Variants in AGBL4 observed in about 807,000 individuals in gnomAD.
The protein encoded by AGBL4 is cytosolic carboxypeptidase 6.
Under a neutral mutation model 66.4 loss-of-function variants are expected in AGBL4, and 58 were observed. The observed-to-expected ratio is 0.87, with a 90% confidence interval of 0.71 to 1.09. The LOEUF (loss-of-function observed/expected upper bound fraction) is 1.09. Ranked by LOEUF, AGBL4 falls within the 50% of genes least tolerant of loss-of-function variation. The pLI, the probability that AGBL4 is intolerant of heterozygous loss-of-function variation, is 0.00. For missense variants in AGBL4, 579 were observed against 631.0 expected (o/e 0.92, Z 0.88); for synonymous variants, 234 against 222.9 (o/e 1.05, Z -0.44).
At chr1:48,838,795 A>G (rs1002708730) in intron 6 of AGBL4, among the ~76,000 whole-genome samples, 6 of 152,176 alleles carry the variant, frequency 3.9e-5, no homozygotes, top group Non-Finnish European at 5.9e-5. Flanking sequence ...TCAATTTACA[A>G]AGGATTAATA....
At chr1:49,113,611 C>G (rs537713702) in intron 4 of AGBL4, among the ~76,000 whole-genome samples, 1 of 152,210 alleles carries the variant, frequency 6.6e-6, no homozygotes, top group South Asian at 2.1e-4. Flanking sequence ...TTTCAGTTTA[C>G]TTTACCTAGA....
At chr1:48,558,971 C>T (rs1010816500) in intron 11 of AGBL4, among the ~76,000 whole-genome samples, 1 of 152,252 alleles carries the variant, frequency 6.6e-6, no homozygotes, top group African/African-American at 2.4e-5. Context: ...TTACACACAA[C>T]CAATTTTCCA....
chr1:49,263,212 G>A (rs1653392034), intron 3 of AGBL4, among the ~76,000 whole-genome samples: 8 of 150,418 alleles, frequency 5.3e-5, no homozygotes, highest in South Asian at 4.3e-4. Context: ...GCTAAATGAC[G>A]AGTTAATGGG....
At chr1:49,706,871 T>C (rs1412652522) in intron 2 of AGBL4, among the ~76,000 whole-genome samples, 1 of 152,200 alleles carries the variant, frequency 6.6e-6, no homozygotes, top group Non-Finnish European at 1.5e-5. Context: ...AGTATCTTAA[T>C]CTTGAACTCT....
chr1:49,108,906 C>A lies in AGBL4; in HGVS notation c.378-63106G>T, dbSNP rs1162925579. ...ACTAAACTGCAGACAGGAGAACGCCCTCAGTTCTGCCATGAACTCACTGTG... is the reference window on the plus strand; with the variant it reads ...ACTAAACTGCAGACAGGAGAACGCCATCAGTTCTGCCATGAACTCACTGTG... On this transcript the variant is annotated intron_variant, in intron 4 of 13. Coordinates refer to ENST00000371839, the MANE Select transcript of AGBL4 (RefSeq NM_032785.4). Among the ~76,000 whole-genome samples the A allele has an allele frequency of 3.9e-5, 6 of 152,228 alleles. No individual in the cohort carries two copies. In the South Asian group the frequency reaches 8.3e-4, roughly 21 times the overall value.
At chr1:49,380,744 A>T (rs980786471) in intron 3 of AGBL4, among the ~76,000 whole-genome samples, 1 of 152,240 alleles carries the variant, frequency 6.6e-6, no homozygotes, top group Non-Finnish European at 1.5e-5. Flanking sequence ...AGCAATGGGG[A>T]AAGGATTCCC....
intron 6 of AGBL4, among the ~76,000 whole-genome samples, chr1:48,738,037 T>A (rs1316463612): frequency 6.6e-6 from 1 of 152,186 alleles, no homozygotes; most frequent in Non-Finnish European, 1.5e-5. Context: ...ACCCAACTAA[T>A]GGCAGACCAG....
chr1:49,391,064 G>T (rs914671217), intron 3 of AGBL4, among the ~76,000 whole-genome samples: 6 of 152,078 alleles, frequency 3.9e-5, no homozygotes, highest in African/African-American at 1.4e-4. Context: ...AAGGAAGAAG[G>T]GACGGCATTC....
At chr1:48,825,161 G>T (rs1162560728) in intron 6 of AGBL4, among the ~76,000 whole-genome samples, 1 of 152,148 alleles carries the variant, frequency 6.6e-6, no homozygotes, top group African/African-American at 2.4e-5. Context: ...AATAATTTCA[G>T]CTTCGAACAC....
intron 4 of AGBL4, among the ~76,000 whole-genome samples, chr1:49,129,390 G>A (rs1645836916): frequency 6.6e-6 from 1 of 151,614 alleles, no homozygotes; most frequent in South Asian, 2.1e-4. Flanking sequence ...GTATACATGT[G>A]CCATGCTGGT....
At chr1:49,394,480 G>A (rs1644913505) in intron 3 of AGBL4, among the ~76,000 whole-genome samples, 1 of 151,796 alleles carries the variant, frequency 6.6e-6, no homozygotes, top group Non-Finnish European at 1.5e-5. Flanking sequence ...AGAAACACAG[G>A]GTCAGACTGC....
At chr1:49,470,734 T>G (rs1646725259) in intron 3 of AGBL4, among the ~76,000 whole-genome samples, 1 of 152,048 alleles carries the variant, frequency 6.6e-6, no homozygotes, top group Non-Finnish European at 1.5e-5. Flanking sequence ...TTCAATAAAT[T>G]TCGGCATAAT....
At chr1:49,623,147 T>C (rs12741784) in intron 3 of AGBL4, among the ~76,000 whole-genome samples, 36,993 of 152,172 alleles carry the variant, frequency 0.24, 5,869 homozygotes, top group Non-Finnish European at 0.36. Flanking sequence ...AGCTCTTCCT[T>C]GGCCTGTGGT....
intron 6 of AGBL4, among the ~76,000 whole-genome samples, chr1:48,784,465 C>G (rs1369328198): frequency 5.3e-5 from 8 of 152,212 alleles, no homozygotes; most frequent in African/African-American, 9.7e-5. Flanking sequence ...AAGAAGCTCT[C>G]TAATTTCAAA....
chr1:49,742,957 A>T (rs947325174), intron 2 of AGBL4, among the ~76,000 whole-genome samples: 3 of 152,204 alleles, frequency 2.0e-5, no homozygotes, highest in Non-Finnish European at 4.4e-5. Context: ...CCTAGAAAAA[A>T]ACCTACGCAA....
intron 4 of AGBL4, among the ~76,000 whole-genome samples, chr1:49,153,291 G>A (rs927249513): frequency 6.6e-6 from 1 of 152,088 alleles, no homozygotes; most frequent in Non-Finnish European, 1.5e-5. Flanking sequence ...CTGAGGGGAG[G>A]AGAGGTGAAG....
chr1:49,085,174 C>T (rs895381713), intron 4 of AGBL4, among the ~76,000 whole-genome samples: 1 of 152,080 alleles, frequency 6.6e-6, no homozygotes, highest in South Asian at 2.1e-4. Context: ...AGCAAATTTG[C>T]TGTCTCTGCC....
chr1:48,908,223 C>T (rs1652798575), intron 5 of AGBL4, among the ~76,000 whole-genome samples: 1 of 152,108 alleles, frequency 6.6e-6, no homozygotes, highest in South Asian at 2.1e-4. Flanking sequence ...GTAATTATGC[C>T]AAATCCCAGT....
At chr1:49,186,312 C>T (rs1172283583) in intron 4 of AGBL4, among the ~76,000 whole-genome samples, 1 of 152,176 alleles carries the variant, frequency 6.6e-6, no homozygotes, top group East Asian at 1.9e-4. Flanking sequence ...ATGCCCTACC[C>T]TGTTATCCTC....
Sources: gnomAD v4.1 joint callset for allele counts (sites outside exome capture counted in the v4.1 genomes callset) on GRCh38, gnomAD v4.1.1 for gene constraint, MANE v1.5 for transcripts, NCBI Gene and HGNC (gene_info 2026-07-23, HGNC 2026-07-21) for gene names.